TMEM273: variants seen among roughly 807,000 people sequenced by gnomAD.
TMEM273 encodes the protein chromosome 10 open reading frame 128.
In TMEM273, 19 loss-of-function variants were observed where a neutral mutation model predicts 17.9. That is an observed-to-expected ratio of 1.06 (90% CI 0.74 to 1.55). The LOEUF is 1.55. Among genes scored for constraint, TMEM273 ranks in the 40% most tolerant of loss-of-function variants. TMEM273 has a pLI of 0.00. For synonymous variants in TMEM273, 66 were observed against 62.0 expected, an observed-to-expected ratio of 1.07 and a Z score of -0.31; for missense variants, 194 against 155.6, an observed-to-expected ratio of 1.25 and a Z score of -1.31.
Position 49,188,359 on chromosome 10 carries a change from C to T in TMEM273, c.-23G>A, listed in dbSNP as rs1327223282. On this transcript the variant is annotated 5_prime_UTR_variant, in exon 1 of 7. Coordinates refer to ENST00000374153, the MANE Select transcript of TMEM273 (RefSeq NM_001288740.3). ...CATGCTGGCGCTCTGCTCTTGGCTC[C>T]TGGCTCCTGGCTGCTGGCAGCGCAG... 3 of 1,614,012 alleles carry T rather than the reference C, an allele frequency of 1.9e-6. No homozygotes were observed. The highest frequency in any genetic ancestry group is 2.2e-5 in the East Asian group (1 of 44,864).
At chr10:49,187,064 C>CT (rs1023740611) in intron 1 of TMEM273, among the ~76,000 whole-genome samples, 23 of 152,242 alleles carry the variant, frequency 1.5e-4, no homozygotes, top group African/African-American at 2.9e-4. Context: ...ATTTAACTTC[C>CT]TTTTTTTGTA....
In TMEM273 at chr10:49,165,263, AG is replaced by A; in HGVS notation, c.289del (p.Leu97SerfsTer36). 6.4e-7 allele frequency: 1 copy of A among 1,550,542 alleles called. No homozygotes were observed. The highest frequency in any genetic ancestry group is 1.2e-5 in the South Asian group (1 of 84,064). On this transcript the variant is annotated frameshift_variant, in exon 5 of 7. Transcript: ENST00000374153. LOFTEE classifies it high-confidence loss of function. Reference sequence around the variant, plus strand: ...CTGAAGCAGGGATTTGAAGGAAAAGAGGGTCGAGGCTTGCAGCTTTCTGGCA... The same window carrying A: ...CTGAAGCAGGGATTTGAAGGAAAAGAGGTCGAGGCTTGCAGCTTTCTGGCA... ...RAPRKLQAST[L>X]FSFKSLLQCH...
chr10:49,161,538 C>A, intron 6 of TMEM273, 61 bp downstream of exon 6: 1 of 1,610,200 alleles, frequency 6.2e-7, no homozygotes, highest in Non-Finnish European at 8.5e-7. Context: ...ACCCATGCAG[C>A]CCCATGGGGC....
chr10:49,165,943 G>T, intron 3 of TMEM273, 147 bp from the exon 4 acceptor site: 1 of 990,038 alleles, frequency 1.0e-6, no homozygotes, highest in Non-Finnish European at 1.5e-6. Flanking sequence ...GTGATGAAGA[G>T]GCTGTTTCCT....
chr10:49,178,353 G>A, intron 1 of TMEM273: 1 of 455,440 alleles, frequency 2.2e-6, no homozygotes, highest in South Asian at 1.6e-5. Flanking sequence ...ACTCAAACAA[G>A]TGCTAATTAC....
chr10:49,183,733 C>G (rs1191209971), intron 1 of TMEM273, among the ~76,000 whole-genome samples: 1 of 152,174 alleles, frequency 6.6e-6, no homozygotes, highest in African/African-American at 2.4e-5. Flanking sequence ...ATAAGAGTAT[C>G]TGCCTTGGGG....
rs146774763 is a variant in TMEM273 at position 49,168,049 on chromosome 10, C to T, written c.44-87G>A. 324 of 1,515,366 alleles carry T rather than the reference C, an allele frequency of 2.1e-4. 5 individuals are homozygous for T. The African/African-American group carries it at 3.3e-3, about 16-fold the overall frequency. The allele number at this position is 1,515,366 out of a possible 1,614,324, so 93.9% of individuals were successfully genotyped here. A position where few individuals can be genotyped will look rare whatever the true frequency, so the allele number is the denominator to read the frequency against. On this transcript the variant is annotated intron_variant, in intron 1 of 6. Coordinates refer to ENST00000374153, the MANE Select transcript of TMEM273 (RefSeq NM_001288740.3). ...AGTCTCAGAGGCCTGGGAAAGCCTA[C>T]CCCATGTACCCACCAGGAGCACAGA...
At chr10:49,159,537 C>G (rs1845711240) in intron 6 of TMEM273, among the ~76,000 whole-genome samples, 1 of 152,128 alleles carries the variant, frequency 6.6e-6, no homozygotes, top group Non-Finnish European at 1.5e-5. Context: ...TTAGGGAAAG[C>G]TTAGGAAAAG....
At chr10:49,161,841 C>T (rs79588748) in intron 5 of TMEM273, among the ~76,000 whole-genome samples, 4 of 152,054 alleles carry the variant, frequency 2.6e-5, no homozygotes, top group Non-Finnish European at 5.9e-5. Flanking sequence ...AGCTCTGTTA[C>T]GATACCTGCC....
At chr10:49,168,730 G>A (rs1252366845) in intron 1 of TMEM273, among the ~76,000 whole-genome samples, 3 of 151,682 alleles carry the variant, frequency 2.0e-5, no homozygotes, top group East Asian at 3.9e-4. Flanking sequence ...GGGTGGGAAG[G>A]AAGGAAAGAA....
chr10:49,155,891 C>T lies in TMEM273; in HGVS notation c.*1G>A. 6.2e-7 allele frequency: 1 copy of T among 1,614,218 alleles called. No individual in the cohort carries two copies. Among genetic ancestry groups the T allele is most frequent in the Non-Finnish European group, 8.5e-7 (1 of 1,180,030 alleles). ...TCTTCACGTCACTGCTCACCTACAG[C>T]TCAATCACCTGTGCATCTCTGGAAA... On this transcript the variant is annotated 3_prime_UTR_variant, in exon 7 of 7. Coordinates refer to ENST00000374153, the MANE Select transcript of TMEM273 (RefSeq NM_001288740.3).
Position 49,165,200 on chromosome 10 carries a change from T to G in TMEM273, c.348+5A>C, listed in dbSNP as rs1335155647. 1 of 1,547,922 alleles carries G rather than the reference T, an allele frequency of 6.5e-7. No individual in the cohort carries two copies. Among genetic ancestry groups the G allele is most frequent in the Non-Finnish European group, 8.7e-7 (1 of 1,146,168 alleles). ...ATGGTGGCTGGAGTCGAGAGGGGATTGTACCTTAAATAGGCCCTCCATGAT... is the reference window on the plus strand; with the variant it reads ...ATGGTGGCTGGAGTCGAGAGGGGATGGTACCTTAAATAGGCCCTCCATGAT... On this transcript the variant is annotated splice_donor_5th_base_variant and intron_variant, in intron 5 of 6. Transcript: ENST00000374153.
chr10:49,183,594 C>T (rs930634093), intron 1 of TMEM273, among the ~76,000 whole-genome samples: 1 of 152,070 alleles, frequency 6.6e-6, no homozygotes, highest in Admixed American at 6.6e-5. Context: ...AGCAGTTTGG[C>T]ATTAGAGCTA....
intron 6 of TMEM273, among the ~76,000 whole-genome samples, chr10:49,156,631 T>C (rs1448806740): frequency 1.3e-5 from 2 of 152,234 alleles, no homozygotes; most frequent in Non-Finnish European, 2.9e-5. Flanking sequence ...TGACTTTCCA[T>C]TGTGTATATT....
chr10:49,179,148 A>G (rs539325262), intron 1 of TMEM273, among the ~76,000 whole-genome samples: 1 of 152,368 alleles, frequency 6.6e-6, no homozygotes, highest in East Asian at 1.9e-4. Context: ...CATGGAATCA[A>G]ATTTAATAAA....
intron 2 of TMEM273, 38 bp from the exon 3 acceptor site, chr10:49,167,047 C>A: frequency 6.2e-7 from 1 of 1,607,790 alleles, no homozygotes; most frequent in South Asian, 1.1e-5. Flanking sequence ...CGGTTTCAGT[C>A]ACCTGCAGCT....
At chr10:49,173,392 C>T (rs967970514) in intron 1 of TMEM273, among the ~76,000 whole-genome samples, 2 of 152,224 alleles carry the variant, frequency 1.3e-5, no homozygotes, top group Admixed American at 6.5e-5. Context: ...CTATACCACA[C>T]AGCCCCACAC....
At chr10:49,159,556 T>C (rs1161468811) in intron 6 of TMEM273, among the ~76,000 whole-genome samples, 1 of 152,230 alleles carries the variant, frequency 6.6e-6, no homozygotes, top group Non-Finnish European at 1.5e-5. Flanking sequence ...AGTCTTATGA[T>C]ATTGAGTGTG....
intron 1 of TMEM273, among the ~76,000 whole-genome samples, chr10:49,183,380 T>C (rs1007378140): frequency 6.6e-6 from 1 of 151,742 alleles, no homozygotes; most frequent in Non-Finnish European, 1.5e-5. Context: ...TGTGTGTGTA[T>C]AGAGAGAGAA....
Sources: allele counts gnomAD v4.1 joint callset (sites outside exome capture counted in the v4.1 genomes callset), GRCh38; gene constraint gnomAD v4.1.1; transcripts MANE v1.5; gene names NCBI Gene and HGNC (gene_info 2026-07-23, HGNC 2026-07-21).